The following CSNK1G3 variants were observed in gnomAD, a reference collection of about 807,000 sequenced individuals.
The protein encoded by CSNK1G3 is casein kinase 1 gamma 3.
Under a neutral mutation model 64.3 loss-of-function variants are expected in CSNK1G3, and 23 were observed. The observed-to-expected ratio is 0.36, with a 90% CI of 0.26 to 0.51. The LOEUF is 0.51. CSNK1G3 is among the 20% of genes least tolerant of loss of function. The probability of loss-of-function intolerance (pLI) is 0.96; values close to 1 mark genes in which losing one functional copy is unlikely to be tolerated. For missense variants in CSNK1G3, 357 were observed against 510.5 expected, an observed-to-expected ratio of 0.70 and a Z score of 2.90; for synonymous variants, 158 against 162.2, an observed-to-expected ratio of 0.97 and a Z score of 0.20.
chr5:123,528,626 A>T (rs1047210127), intron 1 of CSNK1G3, among the ~76,000 whole-genome samples: 4 of 152,134 alleles, frequency 2.6e-5, no homozygotes, highest in Admixed American at 6.6e-5. Context: ...CATTGGGAAG[A>T]TCAAAAGTTG....
At chr5:123,615,197 T>C (rs1368641540) in exon 13 of CSNK1G3, 1 of 152,614 alleles carries the variant, frequency 6.6e-6, no homozygotes, top group Non-Finnish European at 1.5e-5. Flanking sequence ...CAGCAAGAAA[T>C]GAATACTTTA....
chr5:123,555,763 C>T (rs1192214780), intron 3 of CSNK1G3, among the ~76,000 whole-genome samples: 1 of 151,946 alleles, frequency 6.6e-6, no homozygotes, highest in Non-Finnish European at 1.5e-5. Flanking sequence ...TGAAATGACT[C>T]AACTAAGTCA....
intron 10 of CSNK1G3, among the ~76,000 whole-genome samples, chr5:123,593,551 TCCA>T (rs1459306430): frequency 3.3e-5 from 5 of 152,020 alleles, no homozygotes; most frequent in Non-Finnish European, 7.4e-5. Flanking sequence ...CTTAGAGAGT[TCCA>T]TGACCCCAAA....
intron 10 of CSNK1G3, among the ~76,000 whole-genome samples, chr5:123,597,079 A>AT (rs1009522871): frequency 6.6e-6 from 1 of 152,164 alleles, no homozygotes; most frequent in African/African-American, 2.4e-5. Flanking sequence ...ACTATATTTG[A>AT]TTCTGAATGA....
intron 1 of CSNK1G3, among the ~76,000 whole-genome samples, chr5:123,522,591 T>C (rs1440185217): frequency 6.6e-6 from 1 of 152,106 alleles, no homozygotes; most frequent in Non-Finnish European, 1.5e-5. Flanking sequence ...TTTGACACCT[T>C]CCCCTATTCT....
intron 10 of CSNK1G3, 96 bp from the exon 12 acceptor site, chr5:123,604,627 AT>A (rs1169427738): frequency 5.1e-6 from 3 of 585,884 alleles, no homozygotes; most frequent in African/African-American, 3.8e-5. Flanking sequence ...TACTTTAACA[AT>A]TATGTTTATC....
chr5:123,528,382 GTTCA>G (rs1466199863), intron 1 of CSNK1G3, among the ~76,000 whole-genome samples: 1 of 152,120 alleles, frequency 6.6e-6, no homozygotes, highest in Non-Finnish European at 1.5e-5. Context: ...CTAAGAGGTT[GTTCA>G]TTCATTTATT....
chr5:123,536,927 CA>C (rs985045299), intron 1 of CSNK1G3, among the ~76,000 whole-genome samples: 1 of 151,960 alleles, frequency 6.6e-6, no homozygotes, highest in African/African-American at 2.4e-5. Context: ...ACTAAAAAGA[CA>C]AAAAATCACA....
chr5:123,606,313 T>G (rs1418848105), intron 12 of CSNK1G3, among the ~76,000 whole-genome samples: 1 of 152,160 alleles, frequency 6.6e-6, no homozygotes. Context: ...AAGTATAGTC[T>G]TACTTGTGTG....
chr5:123,519,220 A>ATTG (rs960082754), intron 1 of CSNK1G3, among the ~76,000 whole-genome samples: 10 of 150,710 alleles, frequency 6.6e-5, no homozygotes, highest in African/African-American at 2.5e-4. Flanking sequence ...TTCCTGGCTA[A>ATTG]TTGTTGTATG....
At chr5:123,538,028 G>T (rs1283141108) in intron 1 of CSNK1G3, among the ~76,000 whole-genome samples, 1 of 152,068 alleles carries the variant, frequency 6.6e-6, no homozygotes, top group Non-Finnish European at 1.5e-5. Context: ...CCTTTTTAAT[G>T]CTGAGTAGTC....
intron 6 of CSNK1G3, among the ~76,000 whole-genome samples, chr5:123,587,475 CA>C (rs1406953350): frequency 1.3e-5 from 2 of 152,138 alleles, no homozygotes; most frequent in African/African-American, 4.8e-5. Context: ...CATTTTGTTA[CA>C]ACAACAACTT....
At chr5:123,588,214 C>A in intron 7 of CSNK1G3, 61 bp downstream of exon 7, 1 of 1,259,922 alleles carries the variant, frequency 7.9e-7, no homozygotes, top group Non-Finnish European at 1.2e-6. Context: ...AAGGTCCTGT[C>A]TTCCAACTAA....
chr5:123,593,202 T>TATATACACAC (rs375876147), intron 10 of CSNK1G3, among the ~76,000 whole-genome samples: 1 of 146,848 alleles, frequency 6.8e-6, no homozygotes, highest in Middle Eastern at 3.2e-3. Flanking sequence ...TGTGTATATA[T>TATATACACAC]ACACACACAC....
chr5:123,514,141 A>G (rs1776728771), intron 1 of CSNK1G3, among the ~76,000 whole-genome samples: 1 of 152,228 alleles, frequency 6.6e-6, no homozygotes, highest in Admixed American at 6.5e-5. Context: ...CTGAATATGC[A>G]TTAAATAGAA....
intron 12 of CSNK1G3, among the ~76,000 whole-genome samples, chr5:123,612,821 A>C (rs1384647609): frequency 6.6e-6 from 1 of 152,124 alleles, no homozygotes; most frequent in Non-Finnish European, 1.5e-5. Context: ...TTATAGAAAC[A>C]TCTTTATAAG....
chr5:123,515,326 G>T (rs1025303644), intron 1 of CSNK1G3, among the ~76,000 whole-genome samples: 3 of 152,172 alleles, frequency 2.0e-5, no homozygotes, highest in African/African-American at 7.2e-5. Context: ...CCAAAAGGAT[G>T]TGTCAAATTA....
At position 123,588,900 on chromosome 5, in the gene CSNK1G3, ATTAAAC is replaced by A. The variant is rs551240000; in HGVS notation, c.844+395_844+400del. ...AAGTATGATTTGGTTTAGTTTTCAA[ATTAAAC>A]TTAAATTAAGTAAGGCCAGTAAAAC... On this transcript the variant is annotated intron_variant, in intron 8 of 12. Transcript: ENST00000345990. 4.4e-3 allele frequency among the ~76,000 whole-genome samples: 670 copies of A among 152,290 alleles called. 1 individual carries two copies. The highest frequency in any genetic ancestry group is 0.015 in the African/African-American group (620 of 41,556).
At chr5:123,526,812 A>G (rs916909891) in intron 1 of CSNK1G3, among the ~76,000 whole-genome samples, 3 of 151,144 alleles carry the variant, frequency 2.0e-5, no homozygotes, top group Non-Finnish European at 4.4e-5. Flanking sequence ...CTATTTGCCC[A>G]TTAAGAAATG....
Sources: allele counts gnomAD v4.1 joint callset (sites outside exome capture counted in the v4.1 genomes callset), GRCh38; gene constraint gnomAD v4.1.1; transcripts MANE v1.5; gene names NCBI Gene and HGNC (gene_info 2026-07-23, HGNC 2026-07-21).